Variants in ITGB3BP observed in about 807,000 individuals in gnomAD.
ITGB3BP encodes the protein centromere protein R.
Under a neutral mutation model 29.1 loss-of-function variants are expected in ITGB3BP, and 27 were observed. That is an observed-to-expected ratio of 0.93 (90% CI 0.68 to 1.28). ITGB3BP has a LOEUF of 1.28. Ranked by LOEUF, ITGB3BP falls within the 50% of genes most tolerant of loss-of-function variation. ITGB3BP has a pLI of 0.00. For synonymous variants in ITGB3BP, 61 were observed against 61.4 expected, an observed-to-expected ratio of 0.99 and a Z score of 0.03; for missense variants, 192 against 200.2, an observed-to-expected ratio of 0.96 and a Z score of 0.25.
At chr1:63,516,936 C>T (rs76819140) in intron 1 of ITGB3BP, among the ~76,000 whole-genome samples, 2,740 of 151,934 alleles carry the variant, frequency 0.018, 78 homozygotes, top group African/African-American at 0.063. Flanking sequence ...GCTCAAACCT[C>T]ACCATTATGC....
intron 2 of ITGB3BP, among the ~76,000 whole-genome samples, chr1:63,493,414 CA>C (rs59206263): frequency 1.1e-4 from 16 of 144,140 alleles, no homozygotes; most frequent in African/African-American, 4.1e-4. Context: ...GATTCTGTCT[CA>C]AAAAACAAAC....
chr1:63,523,016 C>T (rs1184219474), intron 1 of ITGB3BP, 113 bp downstream of exon 1: 4 of 1,259,176 alleles, frequency 3.2e-6, no homozygotes, highest in African/African-American at 1.5e-5. Flanking sequence ...ACAGAGGAGA[C>T]AAGTTCATAC....
chr1:63,497,528 A>G (rs902794990), intron 2 of ITGB3BP, among the ~76,000 whole-genome samples: 6 of 152,170 alleles, frequency 3.9e-5, no homozygotes, highest in Non-Finnish European at 5.9e-5. Flanking sequence ...GGGCAAATAG[A>G]ATGTATTGGG....
intron 4 of ITGB3BP, among the ~76,000 whole-genome samples, chr1:63,473,307 G>A (rs1180557193): frequency 5.3e-5 from 8 of 151,790 alleles, no homozygotes; most frequent in East Asian, 2.0e-4. Context: ...AGTGAGGAGC[G>A]TCTCCGCCCG....
chr1:63,460,034 C>T (rs1187470302), intron 4 of ITGB3BP, among the ~76,000 whole-genome samples: 1 of 151,908 alleles, frequency 6.6e-6, no homozygotes, highest in Non-Finnish European at 1.5e-5. Flanking sequence ...AAAATTCCCC[C>T]CCGTGTTTAG....
At chr1:63,489,418 A>AC (rs1443031467) in intron 3 of ITGB3BP, among the ~76,000 whole-genome samples, 4 of 151,282 alleles carry the variant, frequency 2.6e-5, no homozygotes, top group Non-Finnish European at 4.4e-5. Context: ...CAAAAAAAAA[A>AC]AACCCCACGG....
At chr1:63,455,468 G>A (rs1337492198) in intron 4 of ITGB3BP, among the ~76,000 whole-genome samples, 2 of 151,378 alleles carry the variant, frequency 1.3e-5, no homozygotes, top group Admixed American at 6.6e-5. Context: ...ATAAAGAAAT[G>A]GGGTTTACCT....
At chr1:63,488,286 G>A (rs1476204766) in intron 3 of ITGB3BP, among the ~76,000 whole-genome samples, 1 of 151,960 alleles carries the variant, frequency 6.6e-6, no homozygotes, top group Non-Finnish European at 1.5e-5. Context: ...AGGTAAGAGT[G>A]GCTAAAGTAG....
chr1:63,518,611 C>CTTTTTTTTTTTT (rs1276493711), intron 1 of ITGB3BP, among the ~76,000 whole-genome samples: 1 of 142,520 alleles, frequency 7.0e-6, no homozygotes, highest in African/African-American at 2.6e-5. Flanking sequence ...TAACTTTCAA[C>CTTTTTTTTTTTT]TTTGTTGCTT....
intron 1 of ITGB3BP, among the ~76,000 whole-genome samples, chr1:63,513,429 A>C (rs1476838308): frequency 6.6e-6 from 1 of 152,092 alleles, no homozygotes; most frequent in Non-Finnish European, 1.5e-5. Context: ...CGCTTTGAGC[A>C]CTTCCTACCT....
chr1:63,477,363 A>C (rs1029327279), intron 4 of ITGB3BP, among the ~76,000 whole-genome samples: 2 of 152,202 alleles, frequency 1.3e-5, no homozygotes, highest in African/African-American at 4.8e-5. Context: ...TGACTCCAAA[A>C]ACATTTGTAA....
chr1:63,446,892 A>T, intron 7 of ITGB3BP, 36 bp from the exon 8 acceptor site: 1 of 1,496,774 alleles, frequency 6.7e-7, no homozygotes, highest in Non-Finnish European at 9.3e-7. Context: ...TTTTCAGAAA[A>T]CAATTCAAAG....
At chr1:63,523,044 A>G in intron 1 of ITGB3BP, 85 bp downstream of exon 1, 1 of 1,532,302 alleles carries the variant, frequency 6.5e-7, no homozygotes, top group Non-Finnish European at 9.0e-7. Context: ...AAATAGGAAA[A>G]CGAGAAAGGC....
rs376518081 is a variant in ITGB3BP at position 63,523,187 on chromosome 1, C to T, written c.-54G>A. The stretch of plus-strand genomic sequence containing the variant: ...CTGAATAAAACGAACCCAGCAACTT[C>T]CGAAAACAGAAAATCCGCCAAAGGA... On this transcript the variant is annotated 5_prime_UTR_variant, in exon 1 of 9. Transcript: ENST00000271002. The T allele has an allele frequency of 1.4e-5, 23 of 1,612,638 alleles. No homozygotes were observed. Among genetic ancestry groups the T allele is most frequent in the Admixed American group, 1.7e-5 (1 of 59,996 alleles).
At chr1:63,465,856 C>T (rs74078226) in intron 4 of ITGB3BP, among the ~76,000 whole-genome samples, 3,351 of 152,104 alleles carry the variant, frequency 0.022, 127 homozygotes, top group African/African-American at 0.076. Context: ...AGTTTTACTG[C>T]ATTTAACATT....
Position 63,523,145 on chromosome 1 carries a change from G to A in ITGB3BP, c.-12C>T. 6.2e-7 allele frequency: 1 copy of A among 1,614,106 alleles called. No individual in the cohort carries two copies. The highest frequency in any genetic ancestry group is 8.5e-7 in the Non-Finnish European group (1 of 1,180,024). On this transcript the variant is annotated 5_prime_UTR_variant, in exon 1 of 9. Coordinates refer to ENST00000271002, the MANE Select transcript of ITGB3BP (RefSeq NM_014288.5). Reference sequence around the variant, plus strand: ...GATACCTACGGCATTCTGAGATTCGGGAAAGCACCACTGCCGCTGAATAAA... The same window carrying A: ...GATACCTACGGCATTCTGAGATTCGAGAAAGCACCACTGCCGCTGAATAAA...
chr1:63,452,802 C>T (rs1190281437), intron 7 of ITGB3BP, among the ~76,000 whole-genome samples: 1 of 152,092 alleles, frequency 6.6e-6, no homozygotes, highest in East Asian at 1.9e-4. Flanking sequence ...ATGGCTGCAG[C>T]CCTGCCATGA....
rs115038333 is a variant in ITGB3BP at position 63,447,495 on chromosome 1, C to A, written c.485-639G>T. ...GTAACCAGGCAATTACAATGCACTACAACATGATACATTTAAAATATTCAG... is the reference window on the plus strand; with the variant it reads ...GTAACCAGGCAATTACAATGCACTAAAACATGATACATTTAAAATATTCAG... On this transcript the variant is annotated intron_variant, in intron 7 of 8. Transcript: ENST00000271002. 841 of 453,016 alleles carry A rather than the reference C, an allele frequency of 1.9e-3. 4 individuals are homozygous for A. Among genetic ancestry groups the A allele is most frequent in the African/African-American group, 0.015 (736 of 49,870 alleles). The allele number at this position is 453,016 out of a possible 1,614,324, so 28.1% of individuals were successfully genotyped here.
At chr1:63,478,296 T>C (rs1210468146) in intron 4 of ITGB3BP, among the ~76,000 whole-genome samples, 2 of 152,228 alleles carry the variant, frequency 1.3e-5, no homozygotes, top group African/African-American at 4.8e-5. Context: ...GCAGATAATG[T>C]CTTCATTCAA....
Sources: gnomAD v4.1 joint callset for allele counts (sites outside exome capture counted in the v4.1 genomes callset) on GRCh38, gnomAD v4.1.1 for gene constraint, MANE v1.5 for transcripts, NCBI Gene and HGNC (gene_info 2026-07-23, HGNC 2026-07-21) for gene names.